OTUD7A: variants seen among roughly 807,000 people sequenced by gnomAD.
The protein encoded by OTUD7A is OTU domain-containing protein 7A.
Under a neutral mutation model 65.7 loss-of-function variants are expected in OTUD7A, and 12 were observed. The ratio of observed to expected loss-of-function variants is 0.18; its 90% CI spans 0.12 to 0.30. The LOEUF is 0.30. Ranked by LOEUF, OTUD7A falls within the 10% of genes least tolerant of loss-of-function variation. OTUD7A has a pLI of 1.00. For missense variants in OTUD7A, 1,148 were observed against 1,304.8 expected (o/e 0.88, Z 1.85); for synonymous variants, 641 against 586.3 (o/e 1.09, Z -1.35).
Position 31,726,347 on chromosome 15 carries a change from G to GCACACA in OTUD7A, c.-99-69276_-99-69271dup, listed in dbSNP as rs5811658. 4.7e-5 allele frequency among the ~76,000 whole-genome samples: 7 copies of GCACACA among 149,914 alleles called. No individual in the cohort carries two copies. In the South Asian group the frequency reaches 6.4e-4, roughly 14 times the overall value. On this transcript the variant is annotated intron_variant, in intron 1 of 12. Coordinates refer to ENST00000307050, the MANE Select transcript of OTUD7A (RefSeq NM_001382637.1). Reference sequence around the variant, plus strand: ...TCTCGAATTACACACACACACACACGCACACACACACACACACACACTTTG... The same window carrying GCACACA: ...TCTCGAATTACACACACACACACACGCACACACACACACACACACACACACACTTTG...
In OTUD7A at chr15:31,547,929, G is replaced by A. The variant is rs959212260; in HGVS notation, c.550+11040C>T. 2.0e-5 allele frequency among the ~76,000 whole-genome samples: 3 copies of A among 152,208 alleles called. No individual in the cohort carries two copies. In the South Asian group the frequency reaches 6.2e-4, roughly 31 times the overall value. On this transcript the variant is annotated intron_variant, in intron 5 of 12. Coordinates refer to ENST00000307050, the MANE Select transcript of OTUD7A (RefSeq NM_001382637.1). ...TTTGCCCTAAAAAGAAGGTTAATGT[G>A]TAACAGTCAGTCACAAAAATGGTCA...
intron 1 of OTUD7A, among the ~76,000 whole-genome samples, chr15:31,738,035 C>T (rs939124422): frequency 2.6e-5 from 4 of 152,192 alleles, no homozygotes; most frequent in African/African-American, 9.7e-5. Context: ...TTTTTAGCTT[C>T]TTTTCATTGT....
intron 1 of OTUD7A, among the ~76,000 whole-genome samples, chr15:31,785,181 T>G (rs1411285793): frequency 6.6e-6 from 1 of 152,184 alleles, no homozygotes; most frequent in Non-Finnish European, 1.5e-5. Flanking sequence ...AAGTACACTT[T>G]GATGGAACCA....
chr15:31,738,012 G>GT (rs1455893731), intron 1 of OTUD7A, among the ~76,000 whole-genome samples: 1 of 152,212 alleles, frequency 6.6e-6, no homozygotes, highest in Non-Finnish European at 1.5e-5. Context: ...AAATTGGGTG[G>GT]TATTATTAAC....
rs2041084692 is a variant in OTUD7A at position 31,479,660 on chromosome 15, G to C, written c.*3634C>G. The C allele has an allele frequency of 8.1e-6, 1 of 123,548 alleles. No individual in the cohort carries two copies. Among genetic ancestry groups the C allele is most frequent in the Non-Finnish European group, 1.7e-5 (1 of 58,676 alleles). 7.7% of individuals were successfully genotyped at this position (123,548 alleles called of 1,614,324 possible). On this transcript the variant is annotated 3_prime_UTR_variant, in exon 13 of 13. Transcript: ENST00000307050. ...CGCAAAATAAGTTTGTGGACACTAA[G>C]TGGGGGGGGGGGGTGATGGGCCCAT...
In OTUD7A at chr15:31,860,622, G is replaced by GATAT. The variant is rs71113426; in HGVS notation, c.-100+9881_-100+9884dup. On this transcript the variant is annotated intron_variant, in intron 1 of 12. Transcript: ENST00000307050. ...TATTCTCCTCGACCCCAGAAGTGGA[G>GATAT]ATATATATATATATATATATATGTA... Among the ~76,000 whole-genome samples, 64 of 26,858 alleles carry GATAT rather than the reference G, an allele frequency of 2.4e-3. 1 individual carries two copies. Among genetic ancestry groups the GATAT allele is most frequent in the African/African-American group, 5.2e-3 (62 of 12,032 alleles). The allele number at this position is 26,858 out of a possible 152,430, so 17.6% of individuals were successfully genotyped here. A position where few individuals can be genotyped will look rare whatever the true frequency, so the allele number is the denominator to read the frequency against.
intron 8 of OTUD7A, among the ~76,000 whole-genome samples, chr15:31,516,072 C>T (rs1013059839): frequency 1.3e-5 from 2 of 152,238 alleles, no homozygotes; most frequent in African/African-American, 4.8e-5. Context: ...CCTTCAAGTT[C>T]TGTGCTAGGG....
intron 10 of OTUD7A, among the ~76,000 whole-genome samples, chr15:31,495,356 T>C (rs2041368597): frequency 6.6e-6 from 1 of 152,244 alleles, no homozygotes; most frequent in Admixed American, 6.5e-5. Context: ...CTGCCCACTC[T>C]ATAAGCTGAA....
At chr15:31,818,095 A>G (rs1896595716) in intron 1 of OTUD7A, among the ~76,000 whole-genome samples, 1 of 152,210 alleles carries the variant, frequency 6.6e-6, no homozygotes, top group Non-Finnish European at 1.5e-5. Context: ...CCATCTATGG[A>G]GCAGAGAGCA....
intron 1 of OTUD7A, among the ~76,000 whole-genome samples, chr15:31,717,897 C>T (rs975157134): frequency 1.3e-5 from 2 of 152,202 alleles, no homozygotes; most frequent in African/African-American, 2.4e-5. Context: ...TCCTCTCCAG[C>T]GTCTGTTGTT....
chr15:31,709,823 TAC>T (rs1465406166), intron 1 of OTUD7A, among the ~76,000 whole-genome samples: 3 of 152,178 alleles, frequency 2.0e-5, no homozygotes, highest in Non-Finnish European at 2.9e-5. Context: ...TATATATATA[TAC>T]ACACACATAC....
At chr15:31,858,609 G>T (rs1216358361) in intron 1 of OTUD7A, among the ~76,000 whole-genome samples, 1 of 152,188 alleles carries the variant, frequency 6.6e-6, no homozygotes, top group African/African-American at 2.4e-5. Context: ...TACAGATGCT[G>T]CTGCCACAGA....
chr15:31,605,899 C>G (rs1305106010), intron 3 of OTUD7A, among the ~76,000 whole-genome samples: 1 of 152,192 alleles, frequency 6.6e-6, no homozygotes, highest in Non-Finnish European at 1.5e-5. Flanking sequence ...AAGGACAGAG[C>G]TCCCATTCTA....
At chr15:31,578,002 G>A (rs1282275093) in intron 3 of OTUD7A, among the ~76,000 whole-genome samples, 3 of 152,150 alleles carry the variant, frequency 2.0e-5, no homozygotes, top group Non-Finnish European at 4.4e-5. Flanking sequence ...TCAATGACTA[G>A]TCTCTGATCA....
intron 1 of OTUD7A, among the ~76,000 whole-genome samples, chr15:31,781,561 T>C (rs1895540482): frequency 6.6e-6 from 1 of 152,208 alleles, no homozygotes; most frequent in Non-Finnish European, 1.5e-5. Context: ...TGTATACATC[T>C]TCAAAGGTAA....
At chr15:31,643,912 G>A (rs1198451693) in intron 3 of OTUD7A, among the ~76,000 whole-genome samples, 2 of 152,248 alleles carry the variant, frequency 1.3e-5, no homozygotes, top group East Asian at 3.9e-4. Context: ...TCTTCTAATA[G>A]AAAGCAGCCT....
In OTUD7A at chr15:31,533,469, T is replaced by C. The variant is rs571919365; in HGVS notation, c.551-2661A>G. Among the ~76,000 whole-genome samples, 83 of 152,274 alleles carry C rather than the reference T, an allele frequency of 5.5e-4. 3 individuals are homozygous for C. The East Asian group carries it at 0.012, about 22-fold the overall frequency. ...CCAGGCTAGTCTCGAACTCCTGACC[T>C]CAAGTGATCTGCCTGCGTTGGCCTC... On this transcript the variant is annotated intron_variant, in intron 5 of 12. Coordinates refer to ENST00000307050, the MANE Select transcript of OTUD7A (RefSeq NM_001382637.1).
At chr15:31,841,048 C>A (rs527505079) in intron 1 of OTUD7A, among the ~76,000 whole-genome samples, 2 of 152,268 alleles carry the variant, frequency 1.3e-5, no homozygotes, top group South Asian at 4.2e-4. Context: ...AACAGAAGAG[C>A]CTGTGGTCTA....
At chr15:31,557,751 G>C (rs1258263015) in intron 5 of OTUD7A, 1 of 151,990 alleles carries the variant, frequency 6.6e-6, no homozygotes, top group Non-Finnish European at 1.5e-5. Flanking sequence ...GTCCTGATTG[G>C]TCCATCCACC....
Sources: gnomAD v4.1 joint callset for allele counts (sites outside exome capture counted in the v4.1 genomes callset) on GRCh38, gnomAD v4.1.1 for gene constraint, MANE v1.5 for transcripts, NCBI Gene and HGNC (gene_info 2026-07-23, HGNC 2026-07-21) for gene names.